The following TRPM3 variants were observed in gnomAD, a reference collection of about 807,000 sequenced individuals.
The protein encoded by TRPM3 is transient receptor potential cation channel subfamily M member 3.
TRPM3 carries 77 observed loss-of-function variants against 181.2 expected under a neutral mutation model. That is an observed-to-expected ratio of 0.42 (90% confidence interval 0.35 to 0.51). TRPM3 has a LOEUF of 0.51. Among genes scored for constraint, TRPM3 ranks in the 20% least tolerant of loss-of-function variants. The pLI is 0.01. For synonymous variants in TRPM3, 745 were observed against 796.4 expected (o/e 0.94, Z 1.09); for missense variants, 1,759 against 2,196.7 (o/e 0.80, Z 3.98).
rs2096613933 is a variant in TRPM3, at chr9:70,917,601, A to T, written c.178-53090T>A. The T allele has an allele frequency of 9.0e-6, 4 of 442,444 alleles. 1 individual carries two copies. In the Admixed American group the frequency reaches 1.1e-4, roughly 12 times the overall value. 27.4% of individuals were successfully genotyped at this position (442,444 alleles called of 1,614,324 possible). On this transcript the variant is annotated intron_variant, in intron 1 of 25. Transcript: ENST00000677713. ...CTTAAAATAATGGCTTATACTATAG[A>T]TTCACAAGTCTTATGGTAGCCTCAA...
chr9:71,322,749 T>G (rs1044780628), intron 1 of TRPM3, among the ~76,000 whole-genome samples: 2 of 152,140 alleles, frequency 1.3e-5, no homozygotes, highest in East Asian at 3.8e-4. Context: ...GATCTCTAAG[T>G]TCTCATGTAT....
intron 1 of TRPM3, among the ~76,000 whole-genome samples, chr9:71,186,763 T>A (rs1565317265): frequency 6.6e-6 from 1 of 152,072 alleles, no homozygotes; most frequent in Non-Finnish European, 1.5e-5. Context: ...AAGAACAGAT[T>A]TGACTGTCTA....
chr9:70,664,246 T>C (rs2061504088), intron 9 of TRPM3, among the ~76,000 whole-genome samples: 1 of 152,172 alleles, frequency 6.6e-6, no homozygotes, highest in Non-Finnish European at 1.5e-5. Flanking sequence ...AAAGATGCTC[T>C]CTACTAAATC....
chr9:70,811,126 T>G (rs1377741276), intron 6 of TRPM3: 1 of 1,482,136 alleles, frequency 6.7e-7, no homozygotes, highest in Non-Finnish European at 9.3e-7. Context: ...GTTAATTTCT[T>G]GGAGTTTAAG....
intron 1 of TRPM3, among the ~76,000 whole-genome samples, chr9:71,406,220 A>G (rs528624720): frequency 1.3e-5 from 2 of 152,246 alleles, no homozygotes; most frequent in East Asian, 1.9e-4. Flanking sequence ...TGCCTATGCT[A>G]AAGTGCTTAA....
intron 1 of TRPM3, among the ~76,000 whole-genome samples, chr9:71,417,190 C>T (rs761732264): frequency 1.3e-4 from 19 of 151,868 alleles, no homozygotes; most frequent in Non-Finnish European, 1.5e-4. Context: ...GGTATATGCA[C>T]GTTAAACTTT....
intron 1 of TRPM3, among the ~76,000 whole-genome samples, chr9:71,414,943 T>A (rs1334406279): frequency 6.6e-6 from 1 of 152,068 alleles, no homozygotes; most frequent in East Asian, 1.9e-4. Context: ...AGATATGAGG[T>A]TATAATCTCG....
chr9:71,344,518 T>C (rs2091176069), intron 1 of TRPM3, among the ~76,000 whole-genome samples: 1 of 152,086 alleles, frequency 6.6e-6, no homozygotes, highest in Non-Finnish European at 1.5e-5. Context: ...AAATGGATTT[T>C]TAAAAAACAG....
intron 1 of TRPM3, among the ~76,000 whole-genome samples, chr9:71,356,778 A>T (rs1023377724): frequency 2.6e-5 from 4 of 152,080 alleles, no homozygotes; most frequent in Non-Finnish European, 5.9e-5. Context: ...CCAGTTCTGA[A>T]TCTTACTCCC....
At chr9:71,170,593 G>A (rs938492583) in intron 1 of TRPM3, among the ~76,000 whole-genome samples, 8 of 152,184 alleles carry the variant, frequency 5.3e-5, no homozygotes, top group African/African-American at 1.9e-4. Flanking sequence ...AAATTCTTTT[G>A]TAATTTCTTA....
At chr9:71,128,701 G>A (rs756046754) in intron 1 of TRPM3, among the ~76,000 whole-genome samples, 31 of 152,084 alleles carry the variant, frequency 2.0e-4, no homozygotes, top group African/African-American at 7.2e-4. Flanking sequence ...AATAACTTAC[G>A]AATTAATATA....
chr9:70,569,978 C>A (rs1332594700), intron 22 of TRPM3, among the ~76,000 whole-genome samples: 1 of 152,070 alleles, frequency 6.6e-6, no homozygotes, highest in East Asian at 1.9e-4. Context: ...GATCCATGAG[C>A]AATAGTTCAT....
chr9:70,800,810 T>TC (rs199591253), intron 6 of TRPM3, among the ~76,000 whole-genome samples: 1 of 152,162 alleles, frequency 6.6e-6, no homozygotes, highest in Admixed American at 6.6e-5. Context: ...TCAATAGTAT[T>TC]TTTTTTTGAG....
intron 1 of TRPM3, among the ~76,000 whole-genome samples, chr9:71,304,492 G>C (rs1032173597): frequency 2.6e-5 from 4 of 152,090 alleles, no homozygotes; most frequent in African/African-American, 9.7e-5. Context: ...AAGAATTAAG[G>C]TTTACAAATA....
intron 6 of TRPM3, among the ~76,000 whole-genome samples, chr9:70,823,402 T>C (rs200170274): frequency 7.8e-4 from 104 of 133,574 alleles, no homozygotes; most frequent in African/African-American, 2.9e-3. Flanking sequence ...TACCAAGCTT[T>C]CCCCCGCTCC....
At chr9:71,027,988 G>A (rs1350668364) in intron 1 of TRPM3, among the ~76,000 whole-genome samples, 1 of 152,094 alleles carries the variant, frequency 6.6e-6, no homozygotes, top group Non-Finnish European at 1.5e-5. Flanking sequence ...TATGTCACAA[G>A]AGGATCATCC....
At chr9:71,055,549 T>G (rs567077667) in intron 1 of TRPM3, among the ~76,000 whole-genome samples, 3 of 152,168 alleles carry the variant, frequency 2.0e-5, no homozygotes, top group African/African-American at 7.2e-5. Context: ...ACATCATGTC[T>G]TATATTCAAT....
chr9:70,959,969 AAATGAGTTAAT>A (rs2097121186), intron 1 of TRPM3, among the ~76,000 whole-genome samples: 1 of 152,192 alleles, frequency 6.6e-6, no homozygotes, highest in Non-Finnish European at 1.5e-5. Flanking sequence ...TAAGACCCCC[AAATGAGTTAAT>A]AATCATTAGG....
At chr9:70,849,837 T>C (rs115432471) in intron 3 of TRPM3, among the ~76,000 whole-genome samples, 1,583 of 152,350 alleles carry the variant, frequency 0.01, 28 homozygotes, top group African/African-American at 0.036. Flanking sequence ...TGACAATTTA[T>C]TGCCATGCTT....
Sources: gnomAD v4.1 joint callset for allele counts (sites outside exome capture counted in the v4.1 genomes callset) on GRCh38, gnomAD v4.1.1 for gene constraint, MANE v1.5 for transcripts, NCBI Gene and HGNC (gene_info 2026-07-23, HGNC 2026-07-21) for gene names.